The following ADCY3 variants were observed in gnomAD, a reference collection of about 807,000 sequenced individuals.
ADCY3 encodes the protein adenylate cyclase type 3.
A neutral mutation model predicts 119.4 loss-of-function variants in ADCY3; 70 were observed. The ratio of observed to expected loss-of-function variants is 0.59; its 90% CI spans 0.48 to 0.72. ADCY3 has a LOEUF of 0.72. ADCY3 is among the 30% of genes least tolerant of loss of function. The pLI is 0.00. For missense variants in ADCY3, 1,238 were observed against 1,541.6 expected, an observed-to-expected ratio of 0.80 and a Z score of 3.30; for synonymous variants, 672 against 621.4, an observed-to-expected ratio of 1.08 and a Z score of -1.21.
intron 11 of ADCY3, among the ~76,000 whole-genome samples, chr2:24,833,147 G>T (rs1225163445): frequency 6.6e-6 from 1 of 152,250 alleles, no homozygotes; most frequent in Non-Finnish European, 1.5e-5. Context: ...GTTCTCAGCA[G>T]GAGTGAGCCT....
At chr2:24,887,550 G>A (rs573537489) in intron 2 of ADCY3, among the ~76,000 whole-genome samples, 40 of 152,192 alleles carry the variant, frequency 2.6e-4, no homozygotes, top group Non-Finnish European at 4.7e-4. Flanking sequence ...AGCGATAGCC[G>A]TGATGGCTCC....
rs1664688185 is a variant in ADCY3, at chr2:24,918,183, A to C, written c.675+130T>G. On this transcript the variant is annotated intron_variant, in intron 2 of 21. Coordinates refer to ENST00000679454, the MANE Select transcript of ADCY3 (RefSeq NM_004036.5). This position sits in a 1 kb window ranked among gnomAD's most constrained non-coding sequence, Gnocchi z 5.4. ...GTGAAAAGGCAGGGACTAGGGAGAG[A>C]GGTGAGAGCCCCGGAGGCCCCCAGG... 1.0e-6 allele frequency: 1 copy of C among 975,146 alleles called. No homozygotes were observed. Among genetic ancestry groups the C allele is most frequent in the East Asian group, 2.5e-5 (1 of 40,784 alleles). 60.4% of individuals were successfully genotyped at this position (975,146 alleles called of 1,614,324 possible).
In ADCY3 at chr2:24,826,057, G is replaced by A; in HGVS notation, c.2565C>T (p.Tyr855=). The change falls in exon 16 of 22, where the codon TAC becomes TAT. Residue 855 remains tyrosine (Y), a synonymous_variant. Transcript: ENST00000679454. The part of the protein sequence containing the change: ...MVFLMMLSFY[Y]FSRHVEKLAR... Reference sequence around the variant, plus strand: ...AGGCGGCACTCACGTGGCGGGAGAAGTAGTAGAAGCTGAGCATCATGAGGA... The same window carrying A: ...AGGCGGCACTCACGTGGCGGGAGAAATAGTAGAAGCTGAGCATCATGAGGA... The A allele has an allele frequency of 4.3e-6, 7 of 1,614,114 alleles. No homozygotes were observed. Among genetic ancestry groups the A allele is most frequent in the Non-Finnish European group, 5.9e-6 (7 of 1,179,990 alleles).
chr2:24,911,657 A>C (rs11896955), intron 2 of ADCY3, among the ~76,000 whole-genome samples: 71,707 of 138,324 alleles, frequency 0.52, 20,594 homozygotes, highest in African/African-American at 0.79. Flanking sequence ...AAAAAAAAAA[A>C]ACACACACAC....
intron 18 of ADCY3, 61 bp downstream of exon 18, chr2:24,823,148 A>G: frequency 6.4e-7 from 1 of 1,563,444 alleles, no homozygotes; most frequent in Non-Finnish European, 8.7e-7. Context: ...AGCCTATTGT[A>G]GGATGTGATG....
intron 3 of ADCY3, among the ~76,000 whole-genome samples, chr2:24,853,327 G>A (rs1017004239): frequency 3.3e-5 from 5 of 152,218 alleles, no homozygotes; most frequent in African/African-American, 1.2e-4. Context: ...TGCCGCAGGG[G>A]AAGGTGCAAC....
At chr2:24,886,551 C>T (rs1006449433) in intron 2 of ADCY3, among the ~76,000 whole-genome samples, 3 of 152,196 alleles carry the variant, frequency 2.0e-5, no homozygotes, top group African/African-American at 7.2e-5. Context: ...CTCACTCTGC[C>T]CTCCTGCTTC....
chr2:24,899,284 G>A lies in ADCY3; in HGVS notation c.675+19029C>T, dbSNP rs77458009. On this transcript the variant is annotated intron_variant, in intron 2 of 21. Coordinates refer to ENST00000679454, the MANE Select transcript of ADCY3 (RefSeq NM_004036.5). This position sits in a 1 kb window ranked among gnomAD's most constrained non-coding sequence, Gnocchi z 4.5. ...CCTCCTTCTCCCCAAACCACCATCC[G>A]CTCTTCTGCCCTGTGAGGTGATGAC... Among the ~76,000 whole-genome samples the A allele has an allele frequency of 3.8e-3, 574 of 152,262 alleles. 1 individual carries two copies. Among genetic ancestry groups the A allele is most frequent in the Non-Finnish European group, 7.0e-3 (476 of 68,010 alleles).
chr2:24,841,277 G>A lies in ADCY3; in HGVS notation c.1178C>T (p.Ala393Val), dbSNP rs1394218471. 5.1e-6 allele frequency: 8 copies of A among 1,565,072 alleles called. No individual in the cohort carries two copies. The Admixed American group carries it at 1.3e-4, about 26-fold the overall frequency. ...CACTTACGAGATGGCCTCCACCATG[G>A]CCAGCCCCATGAGGATGGAGCAGAC... ...HAVCSILMGL[A>V]MVEAISYVRE... The change falls in exon 6 of 22, where the codon GCC becomes GTC. Residue 393 changes from alanine (A) to valine (V), a missense_variant. By Grantham distance (64) the Ala-to-Val change is moderately conservative. Coordinates refer to ENST00000679454, the MANE Select transcript of ADCY3 (RefSeq NM_004036.5). This position sits in a 1 kb window ranked among gnomAD's most constrained non-coding sequence, Gnocchi z 5.8.
intron 3 of ADCY3, among the ~76,000 whole-genome samples, chr2:24,869,087 C>A (rs558457131): frequency 6.6e-6 from 1 of 152,136 alleles, no homozygotes; most frequent in Admixed American, 6.5e-5. Context: ...TAACGGTGGT[C>A]TGCTGAACAG....
In ADCY3 at chr2:24,912,747, T is replaced by C. The variant is rs552449847; in HGVS notation, c.675+5566A>G. On this transcript the variant is annotated intron_variant, in intron 2 of 21. Transcript: ENST00000679454. The stretch of plus-strand genomic sequence containing the variant: ...GATTTAAAATAATAAACACGAGGAG[T>C]CCAGTGTTCACAGCAAAATGTCAGG... Among the ~76,000 whole-genome samples, 4 of 151,970 alleles carry C rather than the reference T, an allele frequency of 2.6e-5. No homozygotes were observed. The East Asian group carries it at 7.7e-4, about 29-fold the overall frequency.
At position 24,827,695 on chromosome 2, in the gene ADCY3, C is replaced by T. The variant is rs1220418582; in HGVS notation, c.2433-87G>A. 5 of 1,460,488 alleles carry T rather than the reference C, an allele frequency of 3.4e-6. No individual in the cohort carries two copies. The East Asian group carries it at 9.8e-5, about 29-fold the overall frequency. 90.5% of individuals were successfully genotyped at this position (1,460,488 alleles called of 1,614,324 possible). A position where few individuals can be genotyped will look rare whatever the true frequency, so the allele number is the denominator to read the frequency against. ...AGGCACCGGGGTATCCCAAGTCCTC[C>T]ACTCGGGGAGAATGGGAAGAATCTA... On this transcript the variant is annotated intron_variant, in intron 14 of 21. Coordinates refer to ENST00000679454, the MANE Select transcript of ADCY3 (RefSeq NM_004036.5).
intron 11 of ADCY3, 88 bp from the exon 12 acceptor site, chr2:24,831,837 GCAGGGGC>G (rs1485177710): frequency 2.9e-5 from 17 of 584,014 alleles, no homozygotes; most frequent in African/African-American, 2.2e-4. Flanking sequence ...GGGGATGGGG[GCAGGGGC>G]CAGGGGACAG....
chr2:24,918,192 C>A lies in ADCY3; in HGVS notation c.675+121G>T. The A allele has an allele frequency of 9.1e-7, 1 of 1,098,444 alleles. No individual in the cohort carries two copies. Among genetic ancestry groups the A allele is most frequent in the Non-Finnish European group, 1.3e-6 (1 of 769,794 alleles). The allele number at this position is 1,098,444 out of a possible 1,614,324, so 68.0% of individuals were successfully genotyped here. The stretch of plus-strand genomic sequence containing the variant: ...CAGGGACTAGGGAGAGAGGTGAGAG[C>A]CCCGGAGGCCCCCAGGACACATTTT... On this transcript the variant is annotated intron_variant, in intron 2 of 21. Transcript: ENST00000679454. This position sits in a 1 kb window ranked among gnomAD's most constrained non-coding sequence, Gnocchi z 5.4.
chr2:24,862,408 T>C (rs1378790460), intron 3 of ADCY3, among the ~76,000 whole-genome samples: 1 of 152,106 alleles, frequency 6.6e-6, no homozygotes, highest in Non-Finnish European at 1.5e-5. Context: ...TTGCCGGGCA[T>C]GGTGGCGGGC....
Position 24,836,875 on chromosome 2 carries a change from A to C in ADCY3, c.1662+42T>G, listed in dbSNP as rs1363155457. 5 of 1,568,460 alleles carry C rather than the reference A, an allele frequency of 3.2e-6. No individual in the cohort carries two copies. The South Asian group carries it at 5.9e-5, about 19-fold the overall frequency. ...GTATTGCTTCCTGGTGCCTGCCCGC[A>C]TCTGGCCCTCAGTGACCCCCTGCCC... is the stretch of plus-strand genomic sequence containing the variant. On this transcript the variant is annotated intron_variant, in intron 9 of 21. Coordinates refer to ENST00000679454, the MANE Select transcript of ADCY3 (RefSeq NM_004036.5).
intron 8 of ADCY3, among the ~76,000 whole-genome samples, chr2:24,837,807 C>T (rs1670485971): frequency 6.6e-6 from 1 of 152,114 alleles, no homozygotes; most frequent in African/African-American, 2.4e-5. Context: ...CTGCTGAGTG[C>T]TTCAGGTCTG....
At chr2:24,853,899 T>C (rs1408469977) in intron 3 of ADCY3, among the ~76,000 whole-genome samples, 1 of 152,238 alleles carries the variant, frequency 6.6e-6, no homozygotes, top group South Asian at 2.1e-4. Flanking sequence ...AATCTGTATA[T>C]ACAATGACTA....
chr2:24,832,331 T>C (rs1669706244), intron 11 of ADCY3: 1 of 155,874 alleles, frequency 6.4e-6, no homozygotes, highest in Non-Finnish European at 1.4e-5. Flanking sequence ...GGCAGGGATC[T>C]TAGGAATGCA....
Sources: allele counts gnomAD v4.1 joint callset (sites outside exome capture counted in the v4.1 genomes callset), GRCh38; gene constraint gnomAD v4.1.1; non-coding constraint Gnocchi (gnomAD v3.1); transcripts MANE v1.5; gene names NCBI Gene and HGNC (gene_info 2026-07-23, HGNC 2026-07-21).